Variants in CHPF observed in about 807,000 individuals in gnomAD.
CHPF encodes chondroitin polymerizing factor, non-catalytic subunit.
CHPF carries 34 observed loss-of-function variants against 55.1 expected under a neutral mutation model. The ratio of observed to expected loss-of-function variants is 0.62; its 90% CI spans 0.47 to 0.82. CHPF has a LOEUF of 0.82. CHPF is among the 40% of genes least tolerant of loss of function. CHPF has a pLI of 0.00. For missense variants in CHPF, 961 were observed against 1,106.1 expected, an observed-to-expected ratio of 0.87 and a Z score of 1.86; for synonymous variants, 489 against 496.6, an observed-to-expected ratio of 0.98 and a Z score of 0.20.
At position 219,541,125 on chromosome 2, in the gene CHPF, C is replaced by T; in HGVS notation, c.889G>A (p.Gly297Arg). The T allele has an allele frequency of 6.3e-7, 1 of 1,583,650 alleles. No homozygotes were observed. The highest frequency in any genetic ancestry group is 1.2e-5 in the South Asian group (1 of 86,776). Reference sequence around the variant, plus strand: ...AGCTCCAGATGGCTATAGTGCACCCCCTGGGGAGAGGAAGGGAAGGGATCT... The same window carrying T: ...AGCTCCAGATGGCTATAGTGCACCCTCTGGGGAGAGGAAGGGAAGGGATCT... ...TGVGCTGDHE[G>R]VHYSHLELSP... Residue 297 changes from glycine to arginine, a missense_variant and splice_region_variant, in exon 3 of 4, where the codon GGG becomes AGG. By Grantham distance (125) the Gly-to-Arg change is moderately radical. Transcript: ENST00000243776.
intron 1 of CHPF, chr2:219,542,803 C>T (rs910026078): frequency 7.6e-5 from 41 of 541,908 alleles, no homozygotes; most frequent in Non-Finnish European, 5.3e-5. Context: ...TAGGTACATT[C>T]CTCCCTCCCC....
intron 1 of CHPF, among the ~76,000 whole-genome samples, chr2:219,542,490 G>A (rs765031624): frequency 3.9e-5 from 6 of 152,152 alleles, no homozygotes; most frequent in African/African-American, 7.2e-5. Context: ...TATTTAACCT[G>A]AGCCATCTGT....
In CHPF at chr2:219,541,694, G is replaced by A; in HGVS notation, c.810C>T (p.Ile270=). 7 of 1,611,942 alleles carry A rather than the reference G, an allele frequency of 4.3e-6. No homozygotes were observed. Among genetic ancestry groups the A allele is most frequent in the Non-Finnish European group, 5.9e-6 (7 of 1,179,018 alleles). ...RPHLEGCRND[I]VSARPDEWLG... The stretch of plus-strand genomic sequence containing the variant: ...GCCACTCGTCAGGGCGCGCACTGAC[G>A]ATGTCGTTGCGGCAGCCTTCCAGGT... The change falls in exon 2 of 4, where the codon ATC becomes ATT. Residue 270 remains isoleucine, a synonymous_variant. Coordinates refer to ENST00000243776, the MANE Select transcript of CHPF (RefSeq NM_024536.6).
chr2:219,541,710 C>A lies in CHPF; in HGVS notation c.794G>T (p.Gly265Val), dbSNP rs1021337929. Residue 265 changes from glycine to valine, a missense_variant, in exon 2 of 4, where the codon GGC becomes GTC. By Grantham distance (109) the Gly-to-Val change is moderately radical (BLOSUM62 -3). This residue lies in a region of CHPF where 936 missense variants were observed against 1,058.4 expected (regional missense o/e 0.88). Coordinates refer to ENST00000243776, the MANE Select transcript of CHPF (RefSeq NM_024536.6). Reference sequence around the variant, plus strand: ...CGCACTGACGATGTCGTTGCGGCAGCCTTCCAGGTGGGGGCGCAGTTGTTG... The same window carrying A: ...CGCACTGACGATGTCGTTGCGGCAGACTTCCAGGTGGGGGCGCAGTTGTTG... Reference protein sequence around the residue: ...LLQQLRPHLEGCRNDIVSARP... With the variant: ...LLQQLRPHLEVCRNDIVSARP... 2 of 1,611,586 alleles carry A rather than the reference C, an allele frequency of 1.2e-6. No individual in the cohort carries two copies. The highest frequency in any genetic ancestry group is 2.7e-5 in the African/African-American group (2 of 74,904).
In CHPF at chr2:219,540,080, G is replaced by C. The variant is rs1251052329; in HGVS notation, c.1631C>G (p.Thr544Ser). Residue 544 changes from threonine (T) to serine (S), a missense_variant, in exon 4 of 4, where the codon ACC becomes AGC. Around this residue, in one of 3 missense-constraint regions of CHPF, gnomAD observed 936 missense variants for 1,058.4 expected, o/e 0.88. Transcript: ENST00000243776. The part of the protein sequence containing the change: ...LEPGDAAAAL[T>S]LLLLYEPRQA... ...GCGCGGCTCATACAGTAGCAGCAGG[G>C]TCAGGGCTGCCGCAGCATCACCAGG... 7 of 1,608,110 alleles carry C rather than the reference G, an allele frequency of 4.4e-6. No individual in the cohort carries two copies. In the Admixed American group the frequency reaches 1.2e-4, roughly 27 times the overall value.
In CHPF at chr2:219,540,358, G is replaced by C. The variant is rs1010437879; in HGVS notation, c.1353C>G (p.Gly451=). 9 of 1,613,896 alleles carry C rather than the reference G, an allele frequency of 5.6e-6. No individual in the cohort carries two copies. In the African/African-American group the frequency reaches 1.2e-4, roughly 22 times the overall value. Residue 451 remains glycine (G), a synonymous_variant, in exon 4 of 4, where the codon GGC becomes GGG. Coordinates refer to ENST00000243776, the MANE Select transcript of CHPF (RefSeq NM_024536.6). ...LRLQKQQLVN[G]YRRFDPARGM... ...CCCGGGCCGGATCAAAGCGTCGGTA[G>C]CCATTCACCAGCTGCTGCTTCTGGA... is the stretch of plus-strand genomic sequence containing the variant.
At position 219,542,088 on chromosome 2, in the gene CHPF, C is replaced by A. The variant is rs369325931; in HGVS notation, c.416G>T (p.Arg139Leu). ...ACGCTCCAGCCGGTGCCCCAGCGTG[C>A]GGTTCACGGCCACGCCCAGCGTGGG... is the stretch of plus-strand genomic sequence containing the variant. The part of the protein sequence containing the change: ...TLPTLGVAVN[R>L]TLGHRLERVV... The change falls in exon 2 of 4, where the codon CGC becomes CTC. Residue 139 changes from arginine (R) to leucine (L), a missense_variant. Transcript: ENST00000243776. 1.3e-5 allele frequency: 21 copies of A among 1,572,006 alleles called. No homozygotes were observed. Among genetic ancestry groups the A allele is most frequent in the Non-Finnish European group, 1.6e-5 (19 of 1,164,984 alleles).
intron 2 of CHPF, 99 bp downstream of exon 2, chr2:219,541,517 T>G (rs13004994): frequency 0.55 from 511,428 of 929,498 alleles, 144,070 homozygotes; most frequent in South Asian, 0.75. Context: ...ATGTCCGAAT[T>G]GGCATGGAAA....
chr2:219,542,636 G>T (rs1695301246), intron 1 of CHPF, among the ~76,000 whole-genome samples: 1 of 152,196 alleles, frequency 6.6e-6, no homozygotes, highest in African/African-American at 2.4e-5. Flanking sequence ...GTTTGGCATA[G>T]GGGTGTACTG....
At chr2:219,542,529 G>A (rs1462037721) in intron 1 of CHPF, among the ~76,000 whole-genome samples, 1 of 152,162 alleles carries the variant, frequency 6.6e-6, no homozygotes, top group South Asian at 2.1e-4. Flanking sequence ...TCTGTTTAAA[G>A]CACCCAGCCA....
In CHPF at chr2:219,541,997, G is replaced by T; in HGVS notation, c.507C>A (p.Gly169=). 1 of 1,605,950 alleles carries T rather than the reference G, an allele frequency of 6.2e-7. No homozygotes were observed. ...GCAGGTGTCCAATGGGTCGCTCCTC[G>T]CCTAGCGTCACCACTGCCATGCCAG... The part of the protein sequence containing the change: ...APPGMAVVTL[G]EERPIGHLHL... Residue 169 remains glycine, a synonymous_variant, in exon 2 of 4, where the codon GGC becomes GGA. Transcript: ENST00000243776.
rs1049768148 is a variant in CHPF, at chr2:219,543,380, G to T, written c.159C>A (p.Arg53=). 1.3e-6 allele frequency: 2 copies of T among 1,560,090 alleles called. No individual in the cohort carries two copies. Among genetic ancestry groups the T allele is most frequent in the Non-Finnish European group, 1.7e-6 (2 of 1,163,070 alleles). The change falls in exon 1 of 4, where the codon CGC becomes CGA. Residue 53 remains arginine, a synonymous_variant. Coordinates refer to ENST00000243776, the MANE Select transcript of CHPF (RefSeq NM_024536.6). ...PQPGDSELPP[R]GNTNAARRPN... ...GCCGGCGCGCCGCGTTGGTGTTGCC[G>T]CGCGGCGGCAGCTCAGAGTCTCCAG... is the stretch of plus-strand genomic sequence containing the variant.
At chr2:219,541,189 G>C (rs1695262905) in intron 2 of CHPF, 64 bp from the exon 3 acceptor site, 1 of 1,430,746 alleles carries the variant, frequency 7.0e-7, no homozygotes, top group African/African-American at 1.4e-5. Flanking sequence ...CTCATAGTAA[G>C]TGTCTCATCT....
chr2:219,541,848 G>T lies in CHPF; in HGVS notation c.656C>A (p.Ala219Asp). 5 of 1,610,742 alleles carry T rather than the reference G, an allele frequency of 3.1e-6. No homozygotes were observed. Among genetic ancestry groups the T allele is most frequent in the Non-Finnish European group, 4.2e-6 (5 of 1,178,714 alleles). Residue 219 changes from alanine (A) to aspartate (D), a missense_variant, in exon 2 of 4, where the codon GCC (alanine) becomes GAC (aspartate). By Grantham distance (126) the Ala-to-Asp change is moderately radical (BLOSUM62 -2). Coordinates refer to ENST00000243776, the MANE Select transcript of CHPF (RefSeq NM_024536.6). ...LARLTGHLSL[A>D]SAAHLYLGRP... Reference sequence around the variant, plus strand: ...GCCCAGGTACAGGTGGGCGGCGGAGGCCAGGCTGAGGTGGCCAGTTAGGCG... The same window carrying T: ...GCCCAGGTACAGGTGGGCGGCGGAGTCCAGGCTGAGGTGGCCAGTTAGGCG...
rs778272074 is a variant in CHPF at position 219,540,319 on chromosome 2, C to A, written c.1392G>T (p.Thr464=). ...RFDPARGMEY[T]LDLQLEALTP... ...TCAGTGCCTCCAGCTGCAAGTCCAG[C>A]GTGTATTCCATACCCCGGGCCGGAT... Residue 464 remains threonine (T), a synonymous_variant, in exon 4 of 4, where the codon ACG becomes ACT. Transcript: ENST00000243776. The A allele has an allele frequency of 1.2e-6, 2 of 1,613,966 alleles. No homozygotes were observed. The highest frequency in any genetic ancestry group is 1.7e-6 in the Non-Finnish European group (2 of 1,179,972).
Position 219,540,368 on chromosome 2 carries a change from A to G in CHPF, c.1343T>C (p.Leu448Pro). ...ATCAAAGCGTCGGTAGCCATTCACC[A>G]GCTGCTGCTTCTGGAGCCGCAAGGC... is the stretch of plus-strand genomic sequence containing the variant. ...HPALRLQKQQLVNGYRRFDPA... is the reference protein window; with the variant it reads ...HPALRLQKQQPVNGYRRFDPA... Residue 448 changes from leucine to proline, a missense_variant, in exon 4 of 4, where the codon CTG becomes CCG. By Grantham distance (98) the Leu-to-Pro change is moderately conservative. Around this residue, in one of 3 missense-constraint regions of CHPF, gnomAD observed 936 missense variants for 1,058.4 expected, o/e 0.88. Coordinates refer to ENST00000243776, the MANE Select transcript of CHPF (RefSeq NM_024536.6). 4 of 1,614,020 alleles carry G rather than the reference A, an allele frequency of 2.5e-6. No homozygotes were observed. Among genetic ancestry groups the G allele is most frequent in the Non-Finnish European group, 3.4e-6 (4 of 1,179,996 alleles).
At position 219,541,662 on chromosome 2, in the gene CHPF, C is replaced by T. The variant is rs1214849796; in HGVS notation, c.842G>A (p.Arg281His). 1.2e-6 allele frequency: 2 copies of T among 1,600,614 alleles called. No homozygotes were observed. The highest frequency in any genetic ancestry group is 1.7e-6 in the Non-Finnish European group (2 of 1,171,396). Residue 281 changes from arginine to histidine, a missense_variant, in exon 2 of 4, where the codon CGC (arginine) becomes CAC (histidine). Physicochemically the swap from Arg to His is conservative, Grantham distance 29. Around this residue, in one of 3 missense-constraint regions of CHPF, gnomAD observed 936 missense variants for 1,058.4 expected, o/e 0.88. Transcript: ENST00000243776. ...CACCCCGGTGGCATCGAGAATGCAG[C>T]GACCCAGCCACTCGTCAGGGCGCGC... ...VSARPDEWLG[R>H]CILDATGVGC...
In CHPF at chr2:219,539,985, G is replaced by A. The variant is rs1255780412; in HGVS notation, c.1726C>T (p.Arg576Cys). The change falls in exon 4 of 4, where the codon CGT (arginine) becomes TGT (cysteine). Residue 576 changes from arginine to cysteine, a missense_variant. By Grantham distance (180) the Arg-to-Cys change is radical (BLOSUM62 -3). Around this residue, in one of 3 missense-constraint regions of CHPF, gnomAD observed 936 missense variants for 1,058.4 expected, o/e 0.88. Coordinates refer to ENST00000243776, the MANE Select transcript of CHPF (RefSeq NM_024536.6). ...VKAHVAELER[R>C]FPGARVPWLS... Reference sequence around the variant, plus strand: ...CATGGCACCCGGGCACCGGGGAAACGCCGCTCCAGCTCTGCCACGTGGGCC... The same window carrying A: ...CATGGCACCCGGGCACCGGGGAAACACCGCTCCAGCTCTGCCACGTGGGCC... 3 of 1,613,578 alleles carry A rather than the reference G, an allele frequency of 1.9e-6. No homozygotes were observed. Among genetic ancestry groups the A allele is most frequent in the Non-Finnish European group, 2.5e-6 (3 of 1,179,960 alleles).
At position 219,540,250 on chromosome 2, in the gene CHPF, C is replaced by A; in HGVS notation, c.1461G>T (p.Leu487=). The A allele has an allele frequency of 6.2e-7, 1 of 1,613,742 alleles. No homozygotes were observed. Among genetic ancestry groups the A allele is most frequent in the East Asian group, 2.2e-5 (1 of 44,876 alleles). The change falls in exon 4 of 4, where the codon CTG becomes CTT. Residue 487 remains leucine, a synonymous_variant. Transcript: ENST00000243776. ...TCTCCACGCGGCTCAGCGGCCGGAG[C>A]AGCTGCACTCGGCGAGTGAGGGGCC... ...GRRPLTRRVQ[L]LRPLSRVEIL...
Sources: gnomAD v4.1 joint callset for allele counts (sites outside exome capture counted in the v4.1 genomes callset) on GRCh38, gnomAD v4.1.1 for gene constraint, gnomAD v4.1.1 regional missense constraint, MANE v1.5 for transcripts, NCBI Gene and HGNC (gene_info 2026-07-23, HGNC 2026-07-21) for gene names.